Variants in KHDRBS2 observed in about 807,000 individuals in gnomAD.
The protein encoded by KHDRBS2 is KH RNA binding domain containing, signal transduction associated 2, also known as KH domain-containing, RNA-binding, signal transduction-associated protein 2.
A neutral mutation model predicts 44.3 loss-of-function variants in KHDRBS2; 26 were observed. The ratio of observed to expected loss-of-function variants is 0.59; its 90% CI spans 0.43 to 0.81. The LOEUF (loss-of-function observed/expected upper bound fraction) is 0.81, where lower values mean the gene tolerates loss of function less well. Among genes scored for constraint, KHDRBS2 ranks in the 40% least tolerant of loss-of-function variants. KHDRBS2 has a pLI of 0.00. For synonymous variants in KHDRBS2, 194 were observed against 151.1 expected (o/e 1.28, Z -2.08); for missense variants, 476 against 433.1 (o/e 1.10, Z -0.88).
chr6:61,573,976 G>T, the KHDRBS2 span, among the ~76,000 whole-genome samples: 1 of 152,008 alleles, frequency 6.6e-6, no homozygotes, highest in South Asian at 2.1e-4. Context: ...AGCCAGAAAT[G>T]ATGCCAAATA....
At chr6:61,849,702 A>T (rs1261249208) in intron 6 of KHDRBS2, among the ~76,000 whole-genome samples, 1 of 151,944 alleles carries the variant, frequency 6.6e-6, no homozygotes, top group Admixed American at 6.6e-5. Flanking sequence ...GATTCATAAA[A>T]AGCTATTAAT....
At chr6:61,946,761 G>A (rs916574492) in intron 4 of KHDRBS2, among the ~76,000 whole-genome samples, 2 of 152,138 alleles carry the variant, frequency 1.3e-5, no homozygotes, top group African/African-American at 4.8e-5. Flanking sequence ...TTAGTCCTAA[G>A]GAGATGTAGC....
intron 1 of KHDRBS2, among the ~76,000 whole-genome samples, chr6:62,238,893 C>G (rs1834138542): frequency 6.6e-6 from 1 of 152,044 alleles, no homozygotes; most frequent in Non-Finnish European, 1.5e-5. Flanking sequence ...TATGGCTTAT[C>G]TATAATACTT....
At chr6:61,597,980 A>G in the KHDRBS2 span, among the ~76,000 whole-genome samples, 4 of 149,412 alleles carry the variant, frequency 2.7e-5, no homozygotes, top group African/African-American at 7.3e-5. Context: ...TTAAAACAAA[A>G]TTAAATATCT....
intron 6 of KHDRBS2, among the ~76,000 whole-genome samples, chr6:61,750,469 C>T (rs753909962): frequency 1.3e-5 from 2 of 152,068 alleles, no homozygotes; most frequent in African/African-American, 2.4e-5. Context: ...TGGGTTTTGT[C>T]TTTCTGAAAT....
the KHDRBS2 span, among the ~76,000 whole-genome samples, chr6:61,643,515 A>G: frequency 2.0e-5 from 3 of 152,168 alleles, no homozygotes; most frequent in Non-Finnish European, 4.4e-5. Flanking sequence ...GAGGAAGTCA[A>G]ACTATCCTTG....
At chr6:62,244,877 C>T (rs1474747418) in intron 1 of KHDRBS2, among the ~76,000 whole-genome samples, 1 of 152,028 alleles carries the variant, frequency 6.6e-6, no homozygotes, top group Non-Finnish European at 1.5e-5. Flanking sequence ...AAATAATGGG[C>T]AGGACCAGCC....
intron 1 of KHDRBS2, among the ~76,000 whole-genome samples, chr6:62,271,788 TAAAG>T (rs564651955): frequency 1.3e-5 from 2 of 152,070 alleles, no homozygotes; most frequent in Non-Finnish European, 2.9e-5. Context: ...AATGAAGATA[TAAAG>T]ATATTGTTTA....
intron 6 of KHDRBS2, among the ~76,000 whole-genome samples, chr6:61,832,358 T>C (rs912076638): frequency 9.2e-5 from 14 of 152,202 alleles, no homozygotes; most frequent in African/African-American, 3.4e-4. Flanking sequence ...GAGTATGGCC[T>C]ATATACCCTC....
chr6:61,586,769 G>A, the KHDRBS2 span, among the ~76,000 whole-genome samples: 1 of 152,062 alleles, frequency 6.6e-6, no homozygotes, highest in Non-Finnish European at 1.5e-5. Flanking sequence ...AAAAAAGAAA[G>A]CAGGAATGAG....
chr6:61,791,518 TCA>T (rs1368147323), intron 6 of KHDRBS2, among the ~76,000 whole-genome samples: 5 of 151,522 alleles, frequency 3.3e-5, no homozygotes, highest in Non-Finnish European at 7.4e-5. Context: ...TCTTATTTCT[TCA>T]GAGATTAAAT....
chr6:61,751,975 C>T (rs1777765838), intron 6 of KHDRBS2, among the ~76,000 whole-genome samples: 2 of 152,056 alleles, frequency 1.3e-5, no homozygotes, highest in East Asian at 1.9e-4. Flanking sequence ...ATCTCCTCTT[C>T]TTAGAAGGAC....
At chr6:61,681,602 G>C (rs376927390) in intron 8 of KHDRBS2, among the ~76,000 whole-genome samples, 17 of 151,494 alleles carry the variant, frequency 1.1e-4, no homozygotes, top group African/African-American at 3.9e-4. Context: ...GCAGAATATA[G>C]AGTAGAAAAA....
At chr6:61,652,984 G>A in the KHDRBS2 span, among the ~76,000 whole-genome samples, 18 of 152,180 alleles carry the variant, frequency 1.2e-4, no homozygotes, top group East Asian at 3.9e-4. Context: ...AAATGACACC[G>A]GAGGCAATGG....
intron 2 of KHDRBS2, among the ~76,000 whole-genome samples, chr6:62,078,219 T>C (rs1230694740): frequency 6.6e-6 from 1 of 152,064 alleles, no homozygotes; most frequent in Non-Finnish European, 1.5e-5. Flanking sequence ...ATTGAGAAAT[T>C]CAGAAATGTC....
chr6:61,955,725 T>G (rs1457184560), intron 4 of KHDRBS2, among the ~76,000 whole-genome samples: 3 of 111,344 alleles, frequency 2.7e-5, no homozygotes, highest in African/African-American at 1.1e-4. Context: ...TATGTATACA[T>G]ATATAGACAG....
At chr6:61,884,635 G>C (rs1369782267) in intron 6 of KHDRBS2, among the ~76,000 whole-genome samples, 5 of 150,816 alleles carry the variant, frequency 3.3e-5, no homozygotes, top group Non-Finnish European at 5.9e-5. Context: ...TGTTCTGACA[G>C]ACACTTCCAG....
intron 2 of KHDRBS2, among the ~76,000 whole-genome samples, chr6:62,162,265 G>A (rs567412694): frequency 6.6e-6 from 1 of 152,062 alleles, no homozygotes; most frequent in Non-Finnish European, 1.5e-5. Context: ...TGCAAGGAAG[G>A]TCTAGTGGCA....
At chr6:62,096,693 G>T (rs1800682055) in intron 2 of KHDRBS2, among the ~76,000 whole-genome samples, 2 of 151,298 alleles carry the variant, frequency 1.3e-5, no homozygotes, top group Non-Finnish European at 3.0e-5. Flanking sequence ...TTTTTGTATA[G>T]ATTTAAAAAA....
Sources: allele counts gnomAD v4.1 joint callset (sites outside exome capture counted in the v4.1 genomes callset), GRCh38; gene constraint gnomAD v4.1.1; transcripts MANE v1.5; gene names NCBI Gene and HGNC (gene_info 2026-07-23, HGNC 2026-07-21).